The following FAM184A variants were observed in gnomAD, a reference collection of about 807,000 sequenced individuals.
FAM184A encodes the protein protein FAM184A.
Under a neutral mutation model 143.8 loss-of-function variants are expected in FAM184A, and 99 were observed. The observed-to-expected ratio is 0.69, with a 90% CI of 0.58 to 0.81. The LOEUF (loss-of-function observed/expected upper bound fraction) is 0.81, where lower values mean the gene tolerates loss of function less well. Ranked by LOEUF, FAM184A falls within the 40% of genes least tolerant of loss-of-function variation. FAM184A has a pLI of 0.00. For synonymous variants in FAM184A, 427 were observed against 446.4 expected, an observed-to-expected ratio of 0.96 and a Z score of 0.55; for missense variants, 1,217 against 1,310.5, an observed-to-expected ratio of 0.93 and a Z score of 1.10.
At chr6:119,013,538 G>A (rs1460366525) in intron 5 of FAM184A, among the ~76,000 whole-genome samples, 1 of 152,138 alleles carries the variant, frequency 6.6e-6, no homozygotes, top group African/African-American at 2.4e-5. Flanking sequence ...CGTGATACAG[G>A]CACCCAGAAC....
rs201167489 is a variant in FAM184A, at chr6:119,020,079, T to A, written c.1231A>T (p.Asn411Tyr). ...TCTTCAAGTTGAGATAATCTCTCAT[T>A]GACTCTCGATTTTTCTGATTCTAAA... ...KDLESEKSRV[N>Y]ERLSQLEEER... Residue 411 changes from asparagine to tyrosine, a missense_variant, in exon 4 of 18, where the codon AAT becomes TAT. By Grantham distance (143) the Asn-to-Tyr change is moderately radical. Coordinates refer to ENST00000338891, the MANE Select transcript of FAM184A (RefSeq NM_024581.6). The A allele has an allele frequency of 6.2e-7, 1 of 1,610,242 alleles. No homozygotes were observed. Among genetic ancestry groups the A allele is most frequent in the African/African-American group, 1.3e-5 (1 of 74,816 alleles).
intron 1 of FAM184A, among the ~76,000 whole-genome samples, chr6:119,069,603 T>A (rs1158419948): frequency 2.0e-5 from 3 of 152,128 alleles, no homozygotes; most frequent in African/African-American, 7.2e-5. Flanking sequence ...AAGTAACAAT[T>A]TATTCAGAAA....
At chr6:119,075,736 T>C (rs1787849456) in intron 1 of FAM184A, among the ~76,000 whole-genome samples, 1 of 152,184 alleles carries the variant, frequency 6.6e-6, no homozygotes, top group Non-Finnish European at 1.5e-5. Context: ...TGAGTAAAAA[T>C]TCTATATGGC....
chr6:119,021,135 G>T (rs1785431811), intron 3 of FAM184A, among the ~76,000 whole-genome samples: 1 of 152,320 alleles, frequency 6.6e-6, no homozygotes, highest in Middle Eastern at 3.4e-3. Flanking sequence ...AACTCTGAGG[G>T]TGGGGCCCAG....
chr6:119,024,461 C>T lies in FAM184A; in HGVS notation c.512G>A (p.Ser171Asn). Residue 171 changes from serine to asparagine, a missense_variant, in exon 2 of 18, where the codon AGC becomes AAC. Ser to Asn is a conservative substitution (Grantham distance 46). Transcript: ENST00000338891. ...IRRKFEEKLR[S>N]FGQLQVQFEK... ...AAACTGTACTTGAAGTTGTCCAAAG[C>T]TCCGTAATTTTTCTTCAAATTTCCT... The T allele has an allele frequency of 1.2e-6, 2 of 1,613,810 alleles. No individual in the cohort carries two copies. The highest frequency in any genetic ancestry group is 2.2e-5 in the East Asian group (1 of 44,878).
At position 118,974,507 on chromosome 6, in the gene FAM184A, T is replaced by C; in HGVS notation, c.2836A>G (p.Arg946Gly). Residue 946 changes from arginine (R) to glycine (G), a missense_variant, in exon 14 of 18, where the codon AGA becomes GGA. By Grantham distance (125) the Arg-to-Gly change is moderately radical. Transcript: ENST00000338891. The part of the protein sequence containing the change: ...ELDVMTADHL[R>G]EKNIMRADFN... Reference sequence around the variant, plus strand: ...TCTGCCCGCATGATATTTTTCTCTCTGAGGTGGTCTGCTGTCATGACATCC... The same window carrying C: ...TCTGCCCGCATGATATTTTTCTCTCCGAGGTGGTCTGCTGTCATGACATCC... 2 of 1,612,870 alleles carry C rather than the reference T, an allele frequency of 1.2e-6. No homozygotes were observed. Among genetic ancestry groups the C allele is most frequent in the South Asian group, 2.2e-5 (2 of 90,904 alleles).
At chr6:118,990,591 C>A (rs1032460746) in intron 9 of FAM184A, among the ~76,000 whole-genome samples, 2 of 112,628 alleles carry the variant, frequency 1.8e-5, no homozygotes, top group Non-Finnish European at 3.8e-5. Flanking sequence ...TAATTAGGCA[C>A]ATGGTGGCTC....
intron 2 of FAM184A, 82 bp downstream of exon 2, chr6:119,023,877 G>T: frequency 7.9e-7 from 1 of 1,267,292 alleles, no homozygotes; most frequent in Non-Finnish European, 1.1e-6. Flanking sequence ...TTCTAAGTGG[G>T]CCAGACTGCT....
At chr6:119,012,627 T>C (rs1291632729) in intron 5 of FAM184A, among the ~76,000 whole-genome samples, 2 of 152,244 alleles carry the variant, frequency 1.3e-5, no homozygotes, top group Non-Finnish European at 2.9e-5. Context: ...TATCGGCAAC[T>C]GATCATACAG....
intron 1 of FAM184A, among the ~76,000 whole-genome samples, chr6:119,144,945 G>A (rs548218810): frequency 6.6e-6 from 1 of 152,300 alleles, no homozygotes; most frequent in South Asian, 2.1e-4. Context: ...GAGTGCAAAA[G>A]GGCATCATAG....
intron 1 of FAM184A, among the ~76,000 whole-genome samples, chr6:119,029,070 CAG>C (rs1175310284): frequency 6.6e-6 from 1 of 152,150 alleles, no homozygotes; most frequent in Non-Finnish European, 1.5e-5. Flanking sequence ...GCCAACCAGC[CAG>C]AGAGAAGCCC....
chr6:119,036,796 T>C (rs758559959), intron 1 of FAM184A, among the ~76,000 whole-genome samples: 1 of 152,210 alleles, frequency 6.6e-6, no homozygotes, highest in Non-Finnish European at 1.5e-5. Flanking sequence ...TATTTTGGCA[T>C]AAAATATAAT....
Position 118,974,466 on chromosome 6 carries a change from G to A in FAM184A, c.2877C>T (p.Asn959=), listed in dbSNP as rs1277105953. ...NIMRADFNKT[N]ELLKEINAAL... ...CGGCATTTATTTCCTTGAGTAGCTC[G>A]TTAGTCTTATTAAAATCTGCCCGCA... is the stretch of plus-strand genomic sequence containing the variant. The change falls in exon 14 of 18, where the codon AAC becomes AAT. Residue 959 remains asparagine (N), a synonymous_variant. Transcript: ENST00000338891. 6.2e-6 allele frequency: 10 copies of A among 1,611,898 alleles called. No individual in the cohort carries two copies. Among genetic ancestry groups the A allele is most frequent in the Middle Eastern group, 1.7e-4 (1 of 6,052 alleles).
chr6:119,016,368 C>T (rs1785254161), intron 5 of FAM184A, among the ~76,000 whole-genome samples: 1 of 152,170 alleles, frequency 6.6e-6, no homozygotes, highest in Non-Finnish European at 1.5e-5. Flanking sequence ...TGGGTCCACG[C>T]TGCTTTTATG....
At chr6:119,078,912 A>G (rs1787982460), upstream of FAM184A, 2 of 152,938 alleles carry the variant, frequency 1.3e-5, no homozygotes, top group African/African-American at 4.8e-5. This position sits in a 1 kb window ranked among gnomAD's most constrained non-coding sequence, Gnocchi z 5.5. Context: ...GCGGGGATCC[A>G]GCAGCCCAGC....
chr6:118,970,009 T>TATATATATATATA (rs1491454245), intron 14 of FAM184A, among the ~76,000 whole-genome samples: 2 of 23,276 alleles, frequency 8.6e-5, no homozygotes, highest in African/African-American at 1.7e-4. Flanking sequence ...TATATATATA[T>TATATATATATATA]TTTTTTTTTT....
intron 1 of FAM184A, among the ~76,000 whole-genome samples, chr6:119,140,537 G>A (rs973508954): frequency 2.6e-5 from 4 of 152,110 alleles, no homozygotes; most frequent in East Asian, 1.9e-4. Context: ...AGCCATTTTC[G>A]GAACCATGCT....
intron 7 of FAM184A, among the ~76,000 whole-genome samples, chr6:119,004,115 T>C (rs2114642639): frequency 6.6e-6 from 1 of 152,354 alleles, no homozygotes; most frequent in East Asian, 1.9e-4. Context: ...AAACTAGTGG[T>C]CCGTGTGTTC....
At chr6:119,077,342 A>T (rs963289455) in intron 1 of FAM184A, among the ~76,000 whole-genome samples, 4 of 152,176 alleles carry the variant, frequency 2.6e-5, no homozygotes, top group African/African-American at 9.7e-5. Context: ...AGACACCACA[A>T]ATCACTTCTT....
Sources: allele counts gnomAD v4.1 joint callset (sites outside exome capture counted in the v4.1 genomes callset), GRCh38; gene constraint gnomAD v4.1.1; non-coding constraint Gnocchi (gnomAD v3.1); transcripts MANE v1.5; gene names NCBI Gene and HGNC (gene_info 2026-07-23, HGNC 2026-07-21).